MSRA: variants seen among roughly 807,000 people sequenced by gnomAD.
The protein encoded by MSRA is methionine sulfoxide reductase A.
In MSRA, 54 loss-of-function variants were observed where a neutral mutation model predicts 31.3. The ratio of observed to expected loss-of-function variants is 1.73; its 90% CI spans 1.39 to 2.17. The LOEUF (loss-of-function observed/expected upper bound fraction) is 2.17, where lower values mean the gene tolerates loss of function less well. Among genes scored for constraint, MSRA ranks in the 30% most tolerant of loss-of-function variants. MSRA has a pLI of 0.00. For missense variants in MSRA, 507 were observed against 300.9 expected, an observed-to-expected ratio of 1.69 and a Z score of -5.07; for synonymous variants, 169 against 116.5, an observed-to-expected ratio of 1.45 and a Z score of -2.90.
chr8:10,386,660 G>A (rs1806410944), intron 5 of MSRA, among the ~76,000 whole-genome samples: 1 of 152,040 alleles, frequency 6.6e-6, no homozygotes, highest in South Asian at 2.1e-4. Context: ...TCCCAAAATA[G>A]GCATGTCTAA....
intron 1 of MSRA, among the ~76,000 whole-genome samples, chr8:10,089,478 A>G (rs1281651217): frequency 1.3e-5 from 2 of 152,206 alleles, no homozygotes; most frequent in Non-Finnish European, 2.9e-5. Context: ...GCACATTCCC[A>G]TGGTCAGTGT....
intron 1 of MSRA, among the ~76,000 whole-genome samples, chr8:10,139,733 T>G (rs970838068): frequency 6.6e-6 from 1 of 152,268 alleles, no homozygotes; most frequent in African/African-American, 2.4e-5. Flanking sequence ...TGTATGTATA[T>G]GTATATACAC....
rs369456307 is a variant in MSRA at position 10,091,055 on chromosome 8, G to A, written c.142+36397G>A. ...AGATGATCGTGTGGGTTCTGAACAT[G>A]GTTCTATTAATATGGTATTTTACAT... On this transcript the variant is annotated intron_variant, in intron 1 of 5. Transcript: ENST00000317173. Among the ~76,000 whole-genome samples, 15 of 152,176 alleles carry A rather than the reference G, an allele frequency of 9.9e-5. No individual in the cohort carries two copies. In the East Asian group the frequency reaches 2.7e-3, roughly 27 times the overall value.
chr8:10,424,220 A>G (rs751246668), intron 5 of MSRA, among the ~76,000 whole-genome samples: 3 of 152,210 alleles, frequency 2.0e-5, no homozygotes, highest in Non-Finnish European at 2.9e-5. Flanking sequence ...AAGGGAATGG[A>G]ACATTCGGGA....
intron 5 of MSRA, among the ~76,000 whole-genome samples, chr8:10,395,528 GC>G (rs1163829614): frequency 6.6e-6 from 1 of 152,186 alleles, no homozygotes; most frequent in Non-Finnish European, 1.5e-5. Flanking sequence ...TCTAGCAGAG[GC>G]CAGATGGATG....
chr8:10,096,516 A>G (rs561827888), intron 1 of MSRA, among the ~76,000 whole-genome samples: 1 of 152,192 alleles, frequency 6.6e-6, no homozygotes, highest in Non-Finnish European at 1.5e-5. Context: ...TCTTTTGGAG[A>G]AGAAGTGGTG....
At chr8:10,341,490 C>T (rs894739104) in intron 5 of MSRA, among the ~76,000 whole-genome samples, 20 of 152,182 alleles carry the variant, frequency 1.3e-4, no homozygotes, top group African/African-American at 4.1e-4. Context: ...CACTAGGCCC[C>T]ACCTCCAGGA....
intron 3 of MSRA, among the ~76,000 whole-genome samples, chr8:10,298,915 C>T (rs1431925562): frequency 2.0e-5 from 3 of 152,002 alleles, no homozygotes; most frequent in Non-Finnish European, 4.4e-5. Context: ...GATGGATTTC[C>T]TGGATCACTT....
intron 3 of MSRA, among the ~76,000 whole-genome samples, chr8:10,272,583 A>G (rs1159837664): frequency 6.6e-6 from 1 of 152,210 alleles, no homozygotes. Flanking sequence ...ATCCAGAAAC[A>G]CCCTCACAGG....
chr8:10,275,354 C>T lies in MSRA; in HGVS notation c.332-26180C>T, dbSNP rs146220441. On this transcript the variant is annotated intron_variant, in intron 3 of 5. Transcript: ENST00000317173. ...GATTATCTGGGTCTTCTATGACTCCCCGTGTTTTATTTCCTTAGTCCAAGC... is the reference window on the plus strand; with the variant it reads ...GATTATCTGGGTCTTCTATGACTCCTCGTGTTTTATTTCCTTAGTCCAAGC... Among the ~76,000 whole-genome samples, 19 of 152,298 alleles carry T rather than the reference C, an allele frequency of 1.2e-4. No individual in the cohort carries two copies. In the East Asian group the frequency reaches 3.5e-3, roughly 28 times the overall value.
intron 2 of MSRA, among the ~76,000 whole-genome samples, chr8:10,228,014 C>G (rs997052063): frequency 6.6e-6 from 1 of 152,144 alleles, no homozygotes; most frequent in African/African-American, 2.4e-5. Context: ...CTTTGAATCC[C>G]CCCTCCCCTG....
intron 5 of MSRA, among the ~76,000 whole-genome samples, chr8:10,357,968 G>A (rs917791047): frequency 6.6e-6 from 1 of 152,134 alleles, no homozygotes; most frequent in Non-Finnish European, 1.5e-5. Flanking sequence ...TGTTGTCCAG[G>A]CTAGAGTGCA....
At chr8:10,117,564 T>G (rs1800776995) in intron 1 of MSRA, among the ~76,000 whole-genome samples, 1 of 152,218 alleles carries the variant, frequency 6.6e-6, no homozygotes, top group African/African-American at 2.4e-5. Flanking sequence ...TCCTAGCTGT[T>G]GGGAGCATGT....
intron 1 of MSRA, among the ~76,000 whole-genome samples, chr8:10,151,429 G>T (rs952089531): frequency 2.0e-5 from 3 of 151,910 alleles, no homozygotes; most frequent in African/African-American, 4.8e-5. Flanking sequence ...GGATCATGAG[G>T]TCAGGATATC....
rs1802526880 is a variant in MSRA at position 10,328,808 on chromosome 8, C to T, written c.543+8819C>T. On this transcript the variant is annotated intron_variant, in intron 5 of 5. Coordinates refer to ENST00000317173, the MANE Select transcript of MSRA (RefSeq NM_012331.5). Reference sequence around the variant, plus strand: ...AACTGGGGACTCACTATGAGAACCACAGGGACTCAGGAAATCTTACTGTTG... The same window carrying T: ...AACTGGGGACTCACTATGAGAACCATAGGGACTCAGGAAATCTTACTGTTG... 2.6e-5 allele frequency among the ~76,000 whole-genome samples: 4 copies of T among 152,290 alleles called. No individual in the cohort carries two copies. In the South Asian group the frequency reaches 8.3e-4, roughly 32 times the overall value.
intron 1 of MSRA, among the ~76,000 whole-genome samples, chr8:10,072,093 C>A (rs1563397237): frequency 6.7e-6 from 1 of 148,374 alleles, no homozygotes; most frequent in African/African-American, 2.5e-5. Context: ...GCAGGTTGGC[C>A]AGGTGCCATG....
chr8:10,352,490 C>T (rs942778027), intron 5 of MSRA, among the ~76,000 whole-genome samples: 6 of 152,144 alleles, frequency 3.9e-5, no homozygotes, highest in Non-Finnish European at 7.4e-5. Flanking sequence ...TGCAGCATAT[C>T]GGGTGTTACT....
chr8:10,104,048 C>T (rs183186971), intron 1 of MSRA, among the ~76,000 whole-genome samples: 4 of 152,148 alleles, frequency 2.6e-5, no homozygotes, highest in East Asian at 1.9e-4. Flanking sequence ...TATTTCTGAG[C>T]GTTATCTCTA....
At chr8:10,259,117 AAAG>A (rs1798334575) in intron 3 of MSRA, among the ~76,000 whole-genome samples, 1 of 151,890 alleles carries the variant, frequency 6.6e-6, no homozygotes, top group African/African-American at 2.4e-5. Flanking sequence ...AAAAAAAAAA[AAAG>A]AGGCAGATAT....
Sources: allele counts gnomAD v4.1 joint callset (sites outside exome capture counted in the v4.1 genomes callset), GRCh38; gene constraint gnomAD v4.1.1; transcripts MANE v1.5; gene names NCBI Gene and HGNC (gene_info 2026-07-23, HGNC 2026-07-21).